The following FHIT variants were observed in gnomAD, a reference collection of about 807,000 sequenced individuals.
FHIT encodes bis(5'-adenosyl)-triphosphatase.
FHIT carries 19 observed loss-of-function variants against 17.9 expected under a neutral mutation model. The observed-to-expected ratio is 1.06, with a 90% CI of 0.74 to 1.56. The LOEUF (loss-of-function observed/expected upper bound fraction) is 1.56, where lower values mean the gene tolerates loss of function less well. Among genes scored for constraint, FHIT ranks in the 40% most tolerant of loss-of-function variants. FHIT has a pLI of 0.00. For missense variants in FHIT, 248 were observed against 189.2 expected (o/e 1.31, Z -1.82); for synonymous variants, 81 against 69.7 (o/e 1.16, Z -0.81).
At chr3:60,175,554 C>A (rs1449283039) in intron 5 of FHIT, among the ~76,000 whole-genome samples, 1 of 152,110 alleles carries the variant, frequency 6.6e-6, no homozygotes, top group African/African-American at 2.4e-5. Flanking sequence ...CATAATGACT[C>A]TTTGGGAAGT....
intron 5 of FHIT, among the ~76,000 whole-genome samples, chr3:60,527,456 C>T (rs1202549267): frequency 6.6e-6 from 1 of 152,158 alleles, no homozygotes; most frequent in African/African-American, 2.4e-5. Context: ...TCAGGCATTT[C>T]AAAACCTATC....
chr3:61,024,638 G>C (rs1194302152), intron 3 of FHIT, among the ~76,000 whole-genome samples: 2 of 152,060 alleles, frequency 1.3e-5, no homozygotes, highest in Non-Finnish European at 2.9e-5. Flanking sequence ...ATATAAAGAT[G>C]GAATAGTCTA....
At chr3:60,144,583 T>C (rs1700162579) in intron 5 of FHIT, among the ~76,000 whole-genome samples, 1 of 151,952 alleles carries the variant, frequency 6.6e-6, no homozygotes, top group African/African-American at 2.4e-5. Flanking sequence ...TAACTGAAGA[T>C]TTTTTTTAAT....
At chr3:60,471,211 T>C (rs1365661598) in intron 5 of FHIT, among the ~76,000 whole-genome samples, 2 of 152,154 alleles carry the variant, frequency 1.3e-5, no homozygotes, top group Non-Finnish European at 2.9e-5. Context: ...AGCACTCCCT[T>C]CACCAGCTGA....
chr3:60,675,685 A>C (rs2040607473), intron 4 of FHIT, among the ~76,000 whole-genome samples: 1 of 152,210 alleles, frequency 6.6e-6, no homozygotes, highest in South Asian at 2.1e-4. Flanking sequence ...TCTCTATGAT[A>C]GACTCTGACC....
intron 5 of FHIT, among the ~76,000 whole-genome samples, chr3:60,418,370 ATG>A (rs59887101): frequency 0.34 from 36,725 of 108,792 alleles, 7,781 homozygotes; most frequent in East Asian, 0.45. Context: ...ATGTATCTGA[ATG>A]TGTGTATATA....
intron 8 of FHIT, among the ~76,000 whole-genome samples, chr3:59,840,435 A>G (rs1425571632): frequency 6.6e-6 from 1 of 151,830 alleles, no homozygotes; most frequent in South Asian, 2.1e-4. Context: ...TCAAAATTTC[A>G]ATGAGGAATC....
chr3:60,602,830 C>A (rs761913592), intron 4 of FHIT, among the ~76,000 whole-genome samples: 3 of 152,074 alleles, frequency 2.0e-5, no homozygotes, highest in Non-Finnish European at 4.4e-5. Context: ...TAAAAAAGAC[C>A]TCAGAGAGCT....
At chr3:61,027,789 G>A (rs1442380391) in intron 3 of FHIT, among the ~76,000 whole-genome samples, 3 of 152,226 alleles carry the variant, frequency 2.0e-5, no homozygotes, top group Non-Finnish European at 4.4e-5. Context: ...AAAGCAGTGT[G>A]TGAGAATCTA....
Position 60,536,926 on chromosome 3 carries a change from A to C in FHIT, c.37T>G (p.Ser13Ala). ...AGTTCTGTTTTGAGAAACACTACAG[A>C]GGGCTTGATGAGATGTTGGCCAAAT... ...FRFGQHLIKP[S>A]VVFLKTELSF... is the part of the protein sequence containing the mutation. The change falls in exon 5 of 10, where the codon TCT becomes GCT. Residue 13 changes from serine to alanine, a missense_variant. Transcript: ENST00000492590. 6.2e-7 allele frequency: 1 copy of C among 1,613,358 alleles called. No individual in the cohort carries two copies. Among genetic ancestry groups the C allele is most frequent in the African/African-American group, 1.3e-5 (1 of 74,998 alleles).
chr3:60,840,819 A>G lies in FHIT; in HGVS notation c.-110-18808T>C, dbSNP rs148785522. Among the ~76,000 whole-genome samples the G allele has an allele frequency of 3.0e-3, 461 of 152,344 alleles. 7 individuals are homozygous for G. Among genetic ancestry groups the G allele is most frequent in the African/African-American group, 0.01 (424 of 41,584 alleles). On this transcript the variant is annotated intron_variant, in intron 3 of 9. Transcript: ENST00000492590. ...ATCAGTAATGAATGAAGTTTTGCCCATATCATGACATGACTTTATTGAAGG... is the reference window on the plus strand; with the variant it reads ...ATCAGTAATGAATGAAGTTTTGCCCGTATCATGACATGACTTTATTGAAGG...
intron 4 of FHIT, among the ~76,000 whole-genome samples, chr3:60,788,888 G>A (rs1456658879): frequency 1.3e-5 from 2 of 151,830 alleles, no homozygotes; most frequent in Non-Finnish European, 2.9e-5. Flanking sequence ...TACTTCAAAT[G>A]TTTTACATAG....
intron 5 of FHIT, among the ~76,000 whole-genome samples, chr3:60,387,360 C>T (rs1701053941): frequency 6.6e-6 from 1 of 152,048 alleles, no homozygotes; most frequent in South Asian, 2.1e-4. Context: ...CTTTGTTCAC[C>T]TCTGTTTCTA....
chr3:60,849,668 C>T (rs1392534880), intron 3 of FHIT, among the ~76,000 whole-genome samples: 2 of 151,928 alleles, frequency 1.3e-5, no homozygotes, highest in Non-Finnish European at 2.9e-5. Flanking sequence ...AGACCTGCTT[C>T]TAAATGCCAT....
chr3:60,622,208 G>A (rs1420282570), intron 4 of FHIT, among the ~76,000 whole-genome samples: 1 of 152,106 alleles, frequency 6.6e-6, no homozygotes, highest in East Asian at 1.9e-4. Context: ...CACCCAAGTG[G>A]TCTTTTCCTC....
chr3:60,405,731 T>C (rs968256207), intron 5 of FHIT, among the ~76,000 whole-genome samples: 1 of 152,164 alleles, frequency 6.6e-6, no homozygotes, highest in Non-Finnish European at 1.5e-5. Flanking sequence ...TTTTGGGCTA[T>C]CACAACTAGG....
intron 3 of FHIT, among the ~76,000 whole-genome samples, chr3:61,023,949 C>T (rs1477559481): frequency 6.6e-6 from 1 of 152,114 alleles, no homozygotes; most frequent in Admixed American, 6.6e-5. Flanking sequence ...GCAAAGACTT[C>T]ATGACTAAAA....
At chr3:59,804,718 C>T (rs944900733) in intron 8 of FHIT, among the ~76,000 whole-genome samples, 1 of 152,146 alleles carries the variant, frequency 6.6e-6, no homozygotes, top group Non-Finnish European at 1.5e-5. Flanking sequence ...TGTGAATCAG[C>T]CTTATGTTCC....
chr3:60,538,504 C>T (rs1484762764), intron 4 of FHIT, among the ~76,000 whole-genome samples: 2 of 152,092 alleles, frequency 1.3e-5, no homozygotes, highest in African/African-American at 2.4e-5. Context: ...GCCAAAAGAA[C>T]AAAGCTGGAG....
Sources: gnomAD v4.1 joint callset for allele counts (sites outside exome capture counted in the v4.1 genomes callset) on GRCh38, gnomAD v4.1.1 for gene constraint, MANE v1.5 for transcripts, NCBI Gene and HGNC (gene_info 2026-07-23, HGNC 2026-07-21) for gene names.